The following RAD21 variants were observed in gnomAD, a reference collection of about 807,000 sequenced individuals.
RAD21 encodes the protein double-strand-break repair protein rad21 homolog.
Under a neutral mutation model 71.5 loss-of-function variants are expected in RAD21, and 18 were observed. That is an observed-to-expected ratio of 0.25 (90% CI 0.17 to 0.37). RAD21 has a LOEUF of 0.37. RAD21 is among the 10% of genes least tolerant of loss of function. RAD21 has a pLI of 1.00. For missense variants in RAD21, 493 were observed against 769.1 expected (o/e 0.64, Z 4.25); for synonymous variants, 248 against 254.0 (o/e 0.98, Z 0.22).
At chr8:116,866,434 G>C (rs1267021184) in intron 2 of RAD21, 152 bp downstream of exon 2, 7 of 580,556 alleles carry the variant, frequency 1.2e-5, no homozygotes, top group Non-Finnish European at 2.0e-5. Flanking sequence ...AGTCTATCTA[G>C]AGGTGATAAG....
At chr8:116,856,366 A>G (rs999560977) in intron 7 of RAD21, 78 bp from the exon 8 acceptor site, 2 of 1,346,910 alleles carry the variant, frequency 1.5e-6, no homozygotes, top group Non-Finnish European at 1.9e-6. Flanking sequence ...GGGGAGGAGA[A>G]AAATCTCTTC....
intron 11 of RAD21, chr8:116,851,067 T>C (rs1812338892): frequency 5.2e-6 from 1 of 190,688 alleles, no homozygotes; most frequent in Admixed American, 5.6e-5. Flanking sequence ...AAGGTTATTA[T>C]ATTGTAACTT....
intron 2 of RAD21, among the ~76,000 whole-genome samples, chr8:116,865,466 T>C (rs1812670625): frequency 1.3e-5 from 2 of 152,172 alleles, no homozygotes; most frequent in Non-Finnish European, 2.9e-5. Context: ...AATGTTCTCA[T>C]ACAATTTGAC....
chr8:116,873,671 GAGTGACCA>G (rs1812893390), intron 1 of RAD21, among the ~76,000 whole-genome samples: 1 of 151,110 alleles, frequency 6.6e-6, no homozygotes, highest in Non-Finnish European at 1.5e-5. Flanking sequence ...TAACAAATCA[GAGTGACCA>G]AGTAAATCCC....
chr8:116,847,681 G>A lies in RAD21; in HGVS notation c.1715C>T (p.Ala572Val), dbSNP rs1359749070. The A allele has an allele frequency of 6.2e-7, 1 of 1,612,166 alleles. No homozygotes were observed. Among genetic ancestry groups the A allele is most frequent in the East Asian group, 2.2e-5 (1 of 44,848 alleles). ...QMLHGLQRAL[A>V]KTGAESISLL... ...ACTGATAGATTCAGCTCCAGTTTTAGCAAGAGCACGCTGAAATAAAACCAA... is the reference window on the plus strand; with the variant it reads ...ACTGATAGATTCAGCTCCAGTTTTAACAAGAGCACGCTGAAATAAAACCAA... Residue 572 changes from alanine (A) to valine (V), a missense_variant, in exon 14 of 14, where the codon GCT (alanine) becomes GTT (valine). Ala to Val is a moderately conservative substitution (Grantham distance 64, BLOSUM62 0). Transcript: ENST00000297338.
chr8:116,856,685 G>T lies in RAD21; in HGVS notation c.775C>A (p.Pro259Thr). 6.3e-7 allele frequency: 1 copy of T among 1,595,782 alleles called. No homozygotes were observed. The change falls in exon 7 of 14, where the codon CCT becomes ACT. Residue 259 changes from proline (P) to threonine (T), a missense_variant. This residue lies in a region of RAD21 where 165 missense variants were observed against 229.6 expected (regional missense o/e 0.72). Transcript: ENST00000297338. ...SEAGVMLPEQ[P>T]AHDDMDEDDN... ...TCCTCATCCATATCGTCATGTGCAGGCTGCTCTGGCAACATCACCCCTGCC... is the reference window on the plus strand; with the variant it reads ...TCCTCATCCATATCGTCATGTGCAGTCTGCTCTGGCAACATCACCCCTGCC...
Position 116,862,014 on chromosome 8 carries a change from T to C in RAD21, c.275-74A>G, listed in dbSNP as rs1459826643. On this transcript the variant is annotated intron_variant, in intron 3 of 13. Transcript: ENST00000297338. ...TAGGGATCAGAGGGAGATAAGTAGG[T>C]ATAACTTCCTAAGTTTATATTCTCA... 7.1e-6 allele frequency: 8 copies of C among 1,133,042 alleles called. No homozygotes were observed. The East Asian group carries it at 1.4e-4, about 20-fold the overall frequency. The allele number at this position is 1,133,042 out of a possible 1,614,324, so 70.2% of individuals were successfully genotyped here.
chr8:116,849,207 G>C, intron 12 of RAD21, 178 bp from the exon 13 acceptor site: 1 of 457,404 alleles, frequency 2.2e-6, no homozygotes, highest in Non-Finnish European at 3.8e-6. Flanking sequence ...TGAAGAGTCT[G>C]TTTTTCTTAA....
chr8:116,857,820 G>T (rs1307415561), intron 5 of RAD21, among the ~76,000 whole-genome samples: 1 of 152,142 alleles, frequency 6.6e-6, no homozygotes, highest in African/African-American at 2.4e-5. Flanking sequence ...ATCAAGAAAA[G>T]AATCTGGTTC....
chr8:116,869,777 C>G, intron 1 of RAD21, among the ~76,000 whole-genome samples: 1 of 151,918 alleles, frequency 6.6e-6, no homozygotes, highest in East Asian at 1.9e-4. Flanking sequence ...CTGAAAGACA[C>G]AGAGAAGCTG....
At chr8:116,852,237 A>G in intron 10 of RAD21, 141 bp from the exon 11 acceptor site, 1 of 853,638 alleles carries the variant, frequency 1.2e-6, no homozygotes, top group Non-Finnish European at 1.7e-6. Flanking sequence ...TTTTAGCTCC[A>G]TAAAGATTTA....
chr8:116,848,549 C>T (rs568346716), intron 13 of RAD21, among the ~76,000 whole-genome samples: 21 of 152,150 alleles, frequency 1.4e-4, no homozygotes, highest in African/African-American at 3.4e-4. Context: ...GGAAAAGTAA[C>T]GTCTGATGCT....
intron 1 of RAD21, among the ~76,000 whole-genome samples, chr8:116,870,484 G>A (rs1812797158): frequency 6.6e-6 from 1 of 152,182 alleles, no homozygotes; most frequent in Non-Finnish European, 1.5e-5. Flanking sequence ...TTTGCCATTT[G>A]TTATTTTATA....
chr8:116,852,226 A>C, intron 10 of RAD21, 130 bp from the exon 11 acceptor site: 1 of 918,500 alleles, frequency 1.1e-6, no homozygotes, highest in Non-Finnish European at 1.6e-6. Flanking sequence ...GCCAGATAAA[A>C]TTTTAGCTCC....
rs551001248 is a variant in RAD21 at position 116,874,525 on chromosome 8, G to A, written c.-33+86C>T. The A allele has an allele frequency of 1.5e-3, 401 of 271,202 alleles. 2 individuals are homozygous for A. The highest frequency in any genetic ancestry group is 9.5e-3 in the Middle Eastern group (7 of 738). 16.8% of individuals were successfully genotyped at this position (271,202 alleles called of 1,614,324 possible). A position where few individuals can be genotyped will look rare whatever the true frequency, so the allele number is the denominator to read the frequency against. On this transcript the variant is annotated intron_variant, in intron 1 of 13. Coordinates refer to ENST00000297338, the MANE Select transcript of RAD21 (RefSeq NM_006265.3). ...TTCTCCCTCGCCCTCCCGCCCCCAGGAGTCCGGCTCCCCGACGGCAGAGCG... is the reference window on the plus strand; with the variant it reads ...TTCTCCCTCGCCCTCCCGCCCCCAGAAGTCCGGCTCCCCGACGGCAGAGCG...
At chr8:116,864,685 G>GAA (rs1007395528) in intron 2 of RAD21, among the ~76,000 whole-genome samples, 1 of 151,540 alleles carries the variant, frequency 6.6e-6, no homozygotes, top group Non-Finnish European at 1.5e-5. Flanking sequence ...ACAAAGGAGG[G>GAA]AAAAAAAACC....
intron 1 of RAD21, among the ~76,000 whole-genome samples, chr8:116,873,778 A>T (rs1441455517): frequency 6.6e-6 from 1 of 152,182 alleles, no homozygotes; most frequent in Non-Finnish European, 1.5e-5. Context: ...AAAGCGGATC[A>T]TTCGCAAAAA....
intron 12 of RAD21, among the ~76,000 whole-genome samples, chr8:116,850,374 A>C (rs2130455416): frequency 6.6e-6 from 1 of 152,354 alleles, no homozygotes. Flanking sequence ...GCAAGAAATC[A>C]GTGTAAGGAC....
At chr8:116,869,122 T>C (rs1279994660) in intron 1 of RAD21, among the ~76,000 whole-genome samples, 1 of 152,110 alleles carries the variant, frequency 6.6e-6, no homozygotes, top group Non-Finnish European at 1.5e-5. Flanking sequence ...CTCAATAAAC[T>C]CGCCTTTATC....
Sources: allele counts gnomAD v4.1 joint callset (sites outside exome capture counted in the v4.1 genomes callset), GRCh38; gene constraint gnomAD v4.1.1; regional missense constraint gnomAD v4.1.1; transcripts MANE v1.5; gene names NCBI Gene and HGNC (gene_info 2026-07-23, HGNC 2026-07-21).